Variants in FRMPD4 observed in about 807,000 individuals in gnomAD.
The protein encoded by FRMPD4 is FERM and PDZ domain-containing protein 4.
A neutral mutation model predicts 94.1 loss-of-function variants in FRMPD4; 22 were observed. The observed-to-expected ratio is 0.23, with a 90% CI of 0.17 to 0.33. The LOEUF is 0.33. Among genes scored for constraint, FRMPD4 ranks in the 10% least tolerant of loss-of-function variants. FRMPD4 has a pLI of 1.00. For synonymous variants in FRMPD4, 631 were observed against 548.6 expected, an observed-to-expected ratio of 1.15 and a Z score of -2.10; for missense variants, 1,111 against 1,339.9, an observed-to-expected ratio of 0.83 and a Z score of 2.67.
At chrX:12,700,876 C>T (rs995194783) in intron 9 of FRMPD4, among the ~76,000 whole-genome samples, 9 of 111,046 alleles carry the variant, frequency 8.1e-5, no homozygotes, top group African/African-American at 1.3e-4. Flanking sequence ...AAAGGCAGAA[C>T]GCCAGAACAG....
At chrX:12,638,842 A>T (rs1342353693) in intron 4 of FRMPD4, among the ~76,000 whole-genome samples, 1 of 111,178 alleles carries the variant, frequency 9.0e-6, no homozygotes, top group Non-Finnish European at 1.9e-5. Flanking sequence ...TGTCTCCCAG[A>T]TAGCATCAGA....
intron 1 of FRMPD4, among the ~76,000 whole-genome samples, chrX:11,862,205 C>T (rs2053691556): frequency 9.0e-6 from 1 of 110,990 alleles, no homozygotes; most frequent in Non-Finnish European, 1.9e-5. Context: ...CAAACCTTAT[C>T]AGTGTTGGGA....
intron 1 of FRMPD4, among the ~76,000 whole-genome samples, chrX:12,289,076 C>T (rs910109300): frequency 9.0e-6 from 1 of 111,538 alleles, no homozygotes; most frequent in Middle Eastern, 4.2e-3. Context: ...TTAGTGTCTT[C>T]TTCCTTTTTT....
chrX:12,191,827 C>T (rs1262769934), intron 1 of FRMPD4, among the ~76,000 whole-genome samples: 1 of 111,379 alleles, frequency 9.0e-6, no homozygotes, highest in Admixed American at 9.5e-5. Context: ...TACTTGTTAT[C>T]CTACATTTGT....
intron 2 of FRMPD4, among the ~76,000 whole-genome samples, chrX:12,541,935 C>T (rs1450665965): frequency 8.9e-6 from 1 of 112,136 alleles, no homozygotes; most frequent in African/African-American, 3.2e-5. Context: ...GCTGGTTCAA[C>T]ATATGCAAAT....
chrX:12,061,344 A>G (rs912386638), intron 3 of FRMPD4, among the ~76,000 whole-genome samples: 3 of 111,937 alleles, frequency 2.7e-5, no homozygotes, highest in African/African-American at 9.7e-5. Flanking sequence ...TATCAGTGTA[A>G]ATTTCCCTTA....
chrX:12,566,604 A>G (rs1232573756), intron 2 of FRMPD4, among the ~76,000 whole-genome samples: 1 of 112,515 alleles, frequency 8.9e-6, no homozygotes, highest in Non-Finnish European at 1.9e-5. Context: ...ATTTAAAGAA[A>G]ACAAAAAGAA....
intron 3 of FRMPD4, among the ~76,000 whole-genome samples, chrX:12,027,156 C>T (rs1264505749): frequency 8.9e-6 from 1 of 112,149 alleles, no homozygotes; most frequent in East Asian, 2.8e-4. Flanking sequence ...TTCCTTTTGA[C>T]TTATATCTGT....
intron 1 of FRMPD4, among the ~76,000 whole-genome samples, chrX:12,273,248 G>A (rs1454560996): frequency 8.9e-6 from 1 of 111,853 alleles, no homozygotes; most frequent in Non-Finnish European, 1.9e-5. Flanking sequence ...GCCTTAAAAA[G>A]CATTAGGAAA....
At chrX:12,704,280 C>T in intron 10 of FRMPD4, 79 bp from the exon 11 acceptor site, 3 of 772,484 alleles carry the variant, frequency 3.9e-6, no homozygotes, top group Non-Finnish European at 3.6e-6. Flanking sequence ...TTTGTTCCAA[C>T]AAACATCAGA....
intron 1 of FRMPD4, among the ~76,000 whole-genome samples, chrX:12,229,196 G>A (rs968155020): frequency 8.9e-6 from 1 of 111,734 alleles, no homozygotes; most frequent in Non-Finnish European, 1.9e-5. Flanking sequence ...ATTGTGATGT[G>A]AGCAAAGGTT....
chrX:11,949,698 G>T (rs1290691760), intron 3 of FRMPD4, among the ~76,000 whole-genome samples: 1 of 111,133 alleles, frequency 9.0e-6, no homozygotes, highest in Non-Finnish European at 1.9e-5. Flanking sequence ...GACCAAGCTG[G>T]TTGCTTCAAT....
At chrX:12,157,370 A>T (rs1439154063) in intron 1 of FRMPD4, among the ~76,000 whole-genome samples, 2 of 109,307 alleles carry the variant, frequency 1.8e-5, no homozygotes, top group African/African-American at 6.7e-5. Flanking sequence ...TCCTTTGGGG[A>T]CTTCTCCTTC....
intron 1 of FRMPD4, among the ~76,000 whole-genome samples, chrX:12,299,325 AG>A (rs1343950623): frequency 9.0e-6 from 1 of 110,587 alleles, no homozygotes; most frequent in Non-Finnish European, 1.9e-5. Context: ...AAGAGGAAGA[AG>A]AAGAAGAAGA....
intron 1 of FRMPD4, chrX:12,395,867 C>T (rs2056536421): frequency 8.7e-6 from 1 of 114,937 alleles, no homozygotes; most frequent in Non-Finnish European, 1.8e-5. Flanking sequence ...ATGTATGGTT[C>T]ATCTGACTGT....
rs1450823962 is a variant in FRMPD4 at position 12,138,715 on chromosome X, CCT to C, written c.-253_-252del. ...CCGCCTCTTGCGCCCTGCCTGGCTC[CCT>C]CTCCATTGAGTTTTCCTGCCTCGGG... On this transcript the variant is annotated 5_prime_UTR_variant, in exon 1 of 17. Coordinates refer to ENST00000675598, the MANE Select transcript of FRMPD4 (RefSeq NM_001368397.1). 1 of 303,887 alleles carries C rather than the reference CCT, an allele frequency of 3.3e-6. No individual in the cohort carries two copies. The highest frequency in any genetic ancestry group is 5.7e-6 in the Non-Finnish European group (1 of 175,482). The allele number at this position is 303,887 out of a possible 1,213,427, so 25.0% of individuals were successfully genotyped here.
chrX:11,839,525 T>A (rs867174378), intron 1 of FRMPD4, among the ~76,000 whole-genome samples: 8 of 111,761 alleles, frequency 7.2e-5, no homozygotes, highest in African/African-American at 2.6e-4. Context: ...TTTGTAATAT[T>A]TTATTCTTTT....
At chrX:12,585,080 G>C (rs1278858671) in intron 2 of FRMPD4, among the ~76,000 whole-genome samples, 1 of 111,083 alleles carries the variant, frequency 9.0e-6, no homozygotes, top group Non-Finnish European at 1.9e-5. Flanking sequence ...ACCATACCCA[G>C]CTAATTTTTG....
At chrX:11,915,629 G>A (rs1381258207) in intron 3 of FRMPD4, among the ~76,000 whole-genome samples, 3 of 112,365 alleles carry the variant, frequency 2.7e-5, no homozygotes, top group African/African-American at 9.7e-5. Flanking sequence ...CTGGTCATAT[G>A]ACAAGTTTTC....
Sources: gnomAD v4.1 joint callset for allele counts (sites outside exome capture counted in the v4.1 genomes callset) on GRCh38, gnomAD v4.1.1 for gene constraint, MANE v1.5 for transcripts, NCBI Gene and HGNC (gene_info 2026-07-23, HGNC 2026-07-21) for gene names.